PAX8: variants seen among roughly 807,000 people sequenced by gnomAD.
The protein encoded by PAX8 is paired box protein Pax-8.
A neutral mutation model predicts 52.4 loss-of-function variants in PAX8; 15 were observed. That is an observed-to-expected ratio of 0.29 (90% CI 0.19 to 0.44). The LOEUF (loss-of-function observed/expected upper bound fraction) is 0.44, where lower values mean the gene tolerates loss of function less well. Among genes scored for constraint, PAX8 ranks in the 20% least tolerant of loss-of-function variants. PAX8 has a pLI of 1.00. For missense variants in PAX8, 554 were observed against 602.5 expected, an observed-to-expected ratio of 0.92 and a Z score of 0.84; for synonymous variants, 284 against 249.7, an observed-to-expected ratio of 1.14 and a Z score of -1.29.
chr2:113,276,311 C>A (rs1031915859), intron 2 of PAX8: 3 of 152,148 alleles, frequency 2.0e-5, no homozygotes, highest in Non-Finnish European at 4.4e-5. Context: ...CGGTTATAGG[C>A]CATTTTCTTG....
chr2:113,255,039 G>A (rs1369297841), intron 2 of PAX8, among the ~76,000 whole-genome samples: 3 of 151,244 alleles, frequency 2.0e-5, no homozygotes, highest in Non-Finnish European at 4.4e-5. Flanking sequence ...AAGAAGGAAG[G>A]AAGGAAGGGA....
At chr2:113,273,001 A>T (rs762166146) in intron 2 of PAX8, 2 of 151,932 alleles carry the variant, frequency 1.3e-5, no homozygotes, top group Admixed American at 6.6e-5. Flanking sequence ...TTTTTAAAAC[A>T]TTTTTTTTCT....
intron 9 of PAX8, among the ~76,000 whole-genome samples, chr2:113,231,327 T>A (rs1689876202): frequency 6.6e-6 from 1 of 152,222 alleles, no homozygotes; most frequent in South Asian, 2.1e-4. Context: ...GGCCTCGACA[T>A]TGCTGTCTTG....
At chr2:113,252,854 A>G (rs907579444) in intron 2 of PAX8, among the ~76,000 whole-genome samples, 7 of 152,128 alleles carry the variant, frequency 4.6e-5, no homozygotes, top group Non-Finnish European at 8.8e-5. Context: ...AAATTAATCT[A>G]TGTTGCCTCT....
chr2:113,275,647 A>G (rs866803121), intron 2 of PAX8: 12 of 152,182 alleles, frequency 7.9e-5, no homozygotes, highest in African/African-American at 2.9e-4. Flanking sequence ...TGCTTTTACA[A>G]AACTCTCTTC....
chr2:113,261,441 C>T (rs760726818), intron 2 of PAX8, among the ~76,000 whole-genome samples: 14 of 152,136 alleles, frequency 9.2e-5, no homozygotes, highest in Non-Finnish European at 1.9e-4. Context: ...CCAGGGGTGA[C>T]ACTGGGCGTG....
At chr2:113,253,762 G>T (rs1461627652) in intron 2 of PAX8, among the ~76,000 whole-genome samples, 3 of 152,268 alleles carry the variant, frequency 2.0e-5, no homozygotes, top group East Asian at 3.9e-4. Flanking sequence ...TTGAATGGCT[G>T]TCATAGAAAG....
At chr2:113,219,954 A>C in intron 11 of PAX8, 138 bp downstream of exon 11, 1 of 634,856 alleles carries the variant, frequency 1.6e-6, no homozygotes, top group Non-Finnish European at 2.8e-6. Context: ...GCCTTCTTCC[A>C]TCACAAACAG....
intron 1 of PAX8, 146 bp downstream of exon 1, chr2:113,278,685 C>T (rs1694001219): frequency 1.6e-6 from 1 of 630,834 alleles, no homozygotes; most frequent in Non-Finnish European, 2.6e-6. Context: ...AGACTCCAAC[C>T]TCCGTGCCCA....
Position 113,218,334 on chromosome 2 carries a change from T to C in PAX8, c.*199A>G. 1 of 427,684 alleles carries C rather than the reference T, an allele frequency of 2.3e-6. No homozygotes were observed. The highest frequency in any genetic ancestry group is 4.1e-6 in the Non-Finnish European group (1 of 242,028). 26.5% of individuals were successfully genotyped at this position (427,684 alleles called of 1,614,324 possible). A position where few individuals can be genotyped will look rare whatever the true frequency, so the allele number is the denominator to read the frequency against. On this transcript the variant is annotated 3_prime_UTR_variant, in exon 12 of 12. Transcript: ENST00000429538. Reference sequence around the variant, plus strand: ...GACTCCTGCCCCTCATTAAGGAGTCTTGGAGGACAGTTTGGCCTTGTCCAA... The same window carrying C: ...GACTCCTGCCCCTCATTAAGGAGTCCTGGAGGACAGTTTGGCCTTGTCCAA...
At chr2:113,224,118 AAGAC>A (rs1459338478) in intron 10 of PAX8, among the ~76,000 whole-genome samples, 1 of 152,186 alleles carries the variant, frequency 6.6e-6, no homozygotes, top group Non-Finnish European at 1.5e-5. Flanking sequence ...GATAGATGGA[AAGAC>A]AGATTAAAGG....
chr2:113,271,707 C>G (rs1410164907), intron 2 of PAX8: 2 of 146,650 alleles, frequency 1.4e-5, no homozygotes, highest in African/African-American at 5.1e-5. Flanking sequence ...TGTCGATCAT[C>G]TAGTAGCCGA....
chr2:113,216,731 C>T lies in PAX8; in HGVS notation c.*1802G>A. The T allele has an allele frequency of 4.4e-6, 1 of 227,274 alleles. No homozygotes were observed. Among genetic ancestry groups the T allele is most frequent in the East Asian group, 6.3e-5 (1 of 15,844 alleles). 14.1% of individuals were successfully genotyped at this position (227,274 alleles called of 1,614,324 possible). ...AAAGAAATTAAATCCCCAGTGGCAGCTCCAGAACCTCCACTGGGTCTAGAA... is the reference window on the plus strand; with the variant it reads ...AAAGAAATTAAATCCCCAGTGGCAGTTCCAGAACCTCCACTGGGTCTAGAA... On this transcript the variant is annotated 3_prime_UTR_variant, in exon 12 of 12. Transcript: ENST00000429538.
At chr2:113,254,124 A>C (rs1382436148) in intron 2 of PAX8, among the ~76,000 whole-genome samples, 1 of 152,154 alleles carries the variant, frequency 6.6e-6, no homozygotes, top group Non-Finnish European at 1.5e-5. Context: ...TTTACCTCCT[A>C]AATATTTACC....
At chr2:113,248,962 G>A (rs888012964) in intron 2 of PAX8, among the ~76,000 whole-genome samples, 8 of 150,718 alleles carry the variant, frequency 5.3e-5, no homozygotes, top group African/African-American at 1.7e-4. Context: ...GCGAAATTCC[G>A]TCAAAAAAAA....
At chr2:113,230,818 A>G (rs985807100) in intron 9 of PAX8, among the ~76,000 whole-genome samples, 7 of 152,170 alleles carry the variant, frequency 4.6e-5, no homozygotes, top group African/African-American at 1.4e-4. Context: ...CCTCTTACCT[A>G]CTTCTCTGTT....
chr2:113,272,730 C>T (rs958552125), intron 2 of PAX8: 1 of 152,210 alleles, frequency 6.6e-6, no homozygotes, highest in Non-Finnish European at 1.5e-5. Context: ...TGTGTTAGCT[C>T]CCTCCCCAGA....
chr2:113,230,941 T>C (rs1046850478), intron 9 of PAX8, among the ~76,000 whole-genome samples: 2 of 152,208 alleles, frequency 1.3e-5, no homozygotes, highest in Non-Finnish European at 2.9e-5. Flanking sequence ...CATAGGCCCA[T>C]GTTGACTGGC....
At chr2:113,272,986 C>T (rs1279114519) in intron 2 of PAX8, 1 of 152,182 alleles carries the variant, frequency 6.6e-6, no homozygotes, top group Non-Finnish European at 1.5e-5. Context: ...TTCCCCTGCC[C>T]CCACTTTTTA....
Sources: allele counts gnomAD v4.1 joint callset (sites outside exome capture counted in the v4.1 genomes callset), GRCh38; gene constraint gnomAD v4.1.1; transcripts MANE v1.5; gene names NCBI Gene and HGNC (gene_info 2026-07-23, HGNC 2026-07-21).